The following PDE1A variants were observed in gnomAD, a reference collection of about 807,000 sequenced individuals.
The protein encoded by PDE1A is phosphodiesterase 1A, also known as dual specificity calcium/calmodulin-dependent 3',5'-cyclic nucleotide phosphodiesterase 1A.
In PDE1A, 35 loss-of-function variants were observed where a neutral mutation model predicts 61.7. The ratio of observed to expected loss-of-function variants is 0.57; its 90% CI spans 0.43 to 0.75. The LOEUF (loss-of-function observed/expected upper bound fraction) is 0.75, where lower values mean the gene tolerates loss of function less well. PDE1A is among the 30% of genes least tolerant of loss of function. The pLI, the probability that PDE1A is intolerant of heterozygous loss-of-function variation, is 0.00. For synonymous variants in PDE1A, 232 were observed against 213.2 expected (o/e 1.09, Z -0.77); for missense variants, 597 against 630.6 (o/e 0.95, Z 0.57).
At chr2:182,259,860 A>G (rs1692098615) in intron 2 of PDE1A, among the ~76,000 whole-genome samples, 1 of 152,240 alleles carries the variant, frequency 6.6e-6, no homozygotes, top group African/African-American at 2.4e-5. Flanking sequence ...CAATCCAAAT[A>G]AGGACAATCG....
chr2:182,238,391 A>C (rs1304671632), intron 3 of PDE1A, among the ~76,000 whole-genome samples: 1 of 152,176 alleles, frequency 6.6e-6, no homozygotes, highest in Non-Finnish European at 1.5e-5. Context: ...CCCAGTTAGA[A>C]AGTTACTGTC....
At chr2:182,279,919 T>C (rs1384156659) in intron 1 of PDE1A, among the ~76,000 whole-genome samples, 2 of 151,906 alleles carry the variant, frequency 1.3e-5, no homozygotes, top group Non-Finnish European at 2.9e-5. Flanking sequence ...TCTCTTGGTT[T>C]ATTGATACTG....
At chr2:182,396,962 C>T (rs1191745532) in intron 1 of PDE1A, among the ~76,000 whole-genome samples, 2 of 152,088 alleles carry the variant, frequency 1.3e-5, no homozygotes, top group Non-Finnish European at 2.9e-5. Flanking sequence ...TAAGAAACAA[C>T]ATAGCACAAA....
the PDE1A span, among the ~76,000 whole-genome samples, chr2:182,584,294 TCTA>T: frequency 1.4e-4 from 21 of 149,758 alleles, no homozygotes; most frequent in African/African-American, 5.2e-4. Flanking sequence ...GAATTCTAGT[TCTA>T]CTGCTGACTA....
chr2:182,503,732 A>G (rs1430146), intron 2 of PDE1A, among the ~76,000 whole-genome samples: 130,251 of 152,150 alleles, frequency 0.86, 55,893 homozygotes, highest in East Asian at 0.99. Context: ...GAAACTCCCA[A>G]GAGTTTGTTG....
chr2:182,714,564 C>G, the PDE1A span, among the ~76,000 whole-genome samples: 1 of 151,908 alleles, frequency 6.6e-6, no homozygotes, highest in Non-Finnish European at 1.5e-5. Context: ...ATCACCATCT[C>G]TTACTTTTTT....
At chr2:182,167,872 G>T, downstream of PDE1A, 1 of 1,031,030 alleles carries the variant, frequency 9.7e-7, no homozygotes, top group South Asian at 4.6e-5. Context: ...GTTTAGAAAA[G>T]GGACAATCTA....
chr2:182,448,477 T>A (rs1450755606), intron 2 of PDE1A, among the ~76,000 whole-genome samples: 2 of 152,080 alleles, frequency 1.3e-5, no homozygotes, highest in Non-Finnish European at 2.9e-5. Context: ...GTATATGCGA[T>A]GTTTTAGAAC....
intron 2 of PDE1A, among the ~76,000 whole-genome samples, chr2:182,251,703 G>A (rs10171911): frequency 0.056 from 8,561 of 152,264 alleles, 746 homozygotes; most frequent in African/African-American, 0.19. Flanking sequence ...TATGACATGT[G>A]CTGAATGGCA....
At chr2:182,194,507 A>G (rs1001828538) in intron 10 of PDE1A, among the ~76,000 whole-genome samples, 4 of 152,128 alleles carry the variant, frequency 2.6e-5, no homozygotes, top group African/African-American at 9.7e-5. Context: ...GTATTAATAA[A>G]TATCACAGGC....
chr2:182,159,474 A>G (rs1691262746), intron 13 of PDE1A, among the ~76,000 whole-genome samples: 1 of 152,236 alleles, frequency 6.6e-6, no homozygotes, highest in Admixed American at 6.5e-5. Flanking sequence ...ATCACCTATC[A>G]AGATAATTCA....
At chr2:182,692,274 T>C in the PDE1A span, among the ~76,000 whole-genome samples, 1 of 152,142 alleles carries the variant, frequency 6.6e-6, no homozygotes, top group Non-Finnish European at 1.5e-5. Context: ...CCAACTCAAA[T>C]GTCCAACAAT....
At chr2:182,643,504 A>G in the PDE1A span, among the ~76,000 whole-genome samples, 79 of 152,226 alleles carry the variant, frequency 5.2e-4, 1 homozygote, top group African/African-American at 1.9e-3. Context: ...ACCGTTATAC[A>G]TTGCATAACT....
At chr2:182,375,131 G>A (rs1194269951) in intron 1 of PDE1A, among the ~76,000 whole-genome samples, 1 of 152,120 alleles carries the variant, frequency 6.6e-6, no homozygotes, top group Non-Finnish European at 1.5e-5. Context: ...TTTGGGTGGG[G>A]ACATAGAGCC....
At chr2:182,252,644 A>G (rs1188906036) in intron 2 of PDE1A, among the ~76,000 whole-genome samples, 1 of 152,230 alleles carries the variant, frequency 6.6e-6, no homozygotes, top group Non-Finnish European at 1.5e-5. Context: ...CTAATCCAAG[A>G]CAAACTGTGA....
the PDE1A span, among the ~76,000 whole-genome samples, chr2:182,631,497 C>T: frequency 1.3e-5 from 2 of 152,150 alleles, no homozygotes; most frequent in Non-Finnish European, 2.9e-5. Context: ...ACTCAGTTCA[C>T]CAATTCAAAT....
At chr2:182,669,735 C>T in the PDE1A span, among the ~76,000 whole-genome samples, 1 of 152,254 alleles carries the variant, frequency 6.6e-6, no homozygotes, top group Non-Finnish European at 1.5e-5. Context: ...TCTTAACTCT[C>T]TCCTTTGAAT....
chr2:182,573,152 C>T, the PDE1A span, among the ~76,000 whole-genome samples: 2 of 152,080 alleles, frequency 1.3e-5, no homozygotes, highest in Non-Finnish European at 2.9e-5. Context: ...TACCTGATAC[C>T]GTTTACAATG....
the PDE1A span, among the ~76,000 whole-genome samples, chr2:182,609,475 G>A: frequency 2.6e-5 from 4 of 152,176 alleles, no homozygotes; most frequent in African/African-American, 9.7e-5. Flanking sequence ...TCCTTTATGA[G>A]TTGTAACGCT....
Sources: gnomAD v4.1 joint callset for allele counts (sites outside exome capture counted in the v4.1 genomes callset) on GRCh38, gnomAD v4.1.1 for gene constraint, MANE v1.5 for transcripts, NCBI Gene and HGNC (gene_info 2026-07-23, HGNC 2026-07-21) for gene names.